Variants in RIN2 observed in about 807,000 individuals in gnomAD.
RIN2 encodes RAB5 interacting protein 2.
Under a neutral mutation model 78.0 loss-of-function variants are expected in RIN2, and 36 were observed. The observed-to-expected ratio is 0.46, with a 90% confidence interval of 0.35 to 0.61. The LOEUF (loss-of-function observed/expected upper bound fraction) is 0.61. RIN2 is among the 20% of genes least tolerant of loss of function. RIN2 has a pLI of 0.00. For missense variants in RIN2, 1,087 were observed against 1,159.7 expected (o/e 0.94, Z 0.91); for synonymous variants, 466 against 466.8 (o/e 1.00, Z 0.02).
chr20:19,758,549 G>A (rs1472059181), intron 1 of RIN2, among the ~76,000 whole-genome samples: 2 of 152,196 alleles, frequency 1.3e-5, no homozygotes, highest in Non-Finnish European at 2.9e-5. Flanking sequence ...GGGGACAAGG[G>A]GCAGAGTGAC....
intron 3 of RIN2, among the ~76,000 whole-genome samples, chr20:19,927,766 T>C (rs1407172384): frequency 4.6e-5 from 7 of 151,010 alleles, no homozygotes; most frequent in Non-Finnish European, 7.4e-5. Context: ...CTTAGGCTGG[T>C]CTCAAACTCC....
intron 2 of RIN2, among the ~76,000 whole-genome samples, chr20:19,842,198 TTG>T (rs1848895078): frequency 1.8e-5 from 2 of 112,582 alleles, no homozygotes; most frequent in African/African-American, 3.4e-5. Context: ...ATCTGCTTTT[TTG>T]TTTCTTTGTT....
chr20:19,964,880 G>A, intron 6 of RIN2, 72 bp from the exon 7 acceptor site: 1 of 1,242,672 alleles, frequency 8.0e-7, no homozygotes, highest in Non-Finnish European at 1.2e-6. Flanking sequence ...CCACACACAT[G>A]GTGTTAGGGG....
intron 3 of RIN2, among the ~76,000 whole-genome samples, chr20:19,894,366 C>A (rs1485633338): frequency 2.6e-5 from 4 of 152,044 alleles, no homozygotes; most frequent in Non-Finnish European, 5.9e-5. Context: ...TCCAGGCTCC[C>A]AATGCTGGCA....
chr20:19,850,487 T>C (rs1228837096), intron 2 of RIN2, among the ~76,000 whole-genome samples: 1 of 152,218 alleles, frequency 6.6e-6, no homozygotes, highest in African/African-American at 2.4e-5. Context: ...TGGCCACTAT[T>C]GTCTTCTTAC....
In RIN2 at chr20:19,935,165, CT is replaced by C; in HGVS notation, c.125del (p.Leu42ArgfsTer14). 1 of 1,603,898 alleles carries C rather than the reference CT, an allele frequency of 6.2e-7. No individual in the cohort carries two copies. Among genetic ancestry groups the C allele is most frequent in the Non-Finnish European group, 8.5e-7 (1 of 1,175,156 alleles). On this transcript the variant is annotated frameshift_variant, in exon 4 of 13. Transcript: ENST00000255006. LOFTEE classifies it high-confidence loss of function. ...KQEMVRTDVN[L>X]ENGLEPAETH... The stretch of plus-strand genomic sequence containing the variant: ...GGAGATGGTGCGGACAGATGTCAAC[CT>C]GGAAAATGGCCTGGAACCCGCTGAA...
intron 2 of RIN2, among the ~76,000 whole-genome samples, chr20:19,877,735 G>A (rs1254383260): frequency 1.3e-5 from 2 of 152,106 alleles, no homozygotes; most frequent in African/African-American, 4.8e-5. Context: ...AAGCAGTGGT[G>A]GGGCTGGGCA....
intron 3 of RIN2, among the ~76,000 whole-genome samples, chr20:19,931,218 CT>C (rs1448760617): frequency 2.6e-5 from 4 of 152,150 alleles, no homozygotes; most frequent in Non-Finnish European, 5.9e-5. Flanking sequence ...TTAGGATAGC[CT>C]TTGTGTCTAT....
In RIN2 at chr20:19,815,479, G is replaced by C. The variant is rs553611981; in HGVS notation, c.-37+15732G>C. On this transcript the variant is annotated intron_variant, in intron 2 of 12. Transcript: ENST00000255006. ...ATTTCTTTTTATGGAACTACATTGT[G>C]CATTATATGAGTTCAATCTTGCCAT... Among the ~76,000 whole-genome samples the C allele has an allele frequency of 7.2e-5, 11 of 152,298 alleles. No individual in the cohort carries two copies. The East Asian group carries it at 1.9e-3, about 27-fold the overall frequency.
intron 1 of RIN2, among the ~76,000 whole-genome samples, chr20:19,763,868 A>C (rs59389564): frequency 0.043 from 6,492 of 152,278 alleles, 495 homozygotes; most frequent in African/African-American, 0.15. Context: ...GCTGGACTTT[A>C]TAGTATCCAA....
At chr20:19,971,420 G>A (rs551574317) in intron 8 of RIN2, among the ~76,000 whole-genome samples, 47 of 152,036 alleles carry the variant, frequency 3.1e-4, no homozygotes, top group Admixed American at 1.0e-3. Flanking sequence ...CAATTCTGCC[G>A]GACAATGGTT....
At chr20:19,759,333 A>G (rs1157447990) in intron 1 of RIN2, among the ~76,000 whole-genome samples, 1 of 152,134 alleles carries the variant, frequency 6.6e-6, no homozygotes, top group Non-Finnish European at 1.5e-5. Context: ...ACACGCTGTC[A>G]TCGGTAAGGA....
chr20:19,826,718 C>G (rs2036098897), intron 2 of RIN2, among the ~76,000 whole-genome samples: 1 of 152,148 alleles, frequency 6.6e-6, no homozygotes, highest in African/African-American at 2.4e-5. Flanking sequence ...AGCAAACATC[C>G]TGCGCAGGAC....
intron 1 of RIN2, among the ~76,000 whole-genome samples, chr20:19,799,056 T>C (rs1215234124): frequency 6.6e-6 from 1 of 152,124 alleles, no homozygotes; most frequent in Non-Finnish European, 1.5e-5. Flanking sequence ...TGTGTCGCTA[T>C]GCCTGGCTAA....
At chr20:19,878,715 A>G (rs997534783) in intron 2 of RIN2, among the ~76,000 whole-genome samples, 2 of 152,170 alleles carry the variant, frequency 1.3e-5, no homozygotes, top group African/African-American at 4.8e-5. Context: ...AAACCCAGAC[A>G]CAGGCAATGA....
chr20:19,851,855 C>G (rs528577331), intron 2 of RIN2, among the ~76,000 whole-genome samples: 63 of 152,290 alleles, frequency 4.1e-4, no homozygotes, highest in African/African-American at 1.2e-3. Flanking sequence ...AAGGCACCCC[C>G]AAACTCAGAG....
chr20:19,916,780 T>G (rs1400332899), intron 3 of RIN2, among the ~76,000 whole-genome samples: 1 of 152,232 alleles, frequency 6.6e-6, no homozygotes, highest in African/African-American at 2.4e-5. Context: ...TTTTATCGAA[T>G]GTTTAATGTG....
chr20:19,887,196 T>C (rs1005246128), intron 2 of RIN2, among the ~76,000 whole-genome samples: 1 of 136,246 alleles, frequency 7.3e-6, no homozygotes, highest in African/African-American at 2.8e-5. Flanking sequence ...TTTTTTTTTT[T>C]AATTTTTTTT....
rs556075719 is a variant in RIN2, at chr20:19,868,559, G to A, written c.-36-21007G>A. 4.6e-5 allele frequency among the ~76,000 whole-genome samples: 7 copies of A among 152,252 alleles called. No homozygotes were observed. The East Asian group carries it at 1.4e-3, about 29-fold the overall frequency. ...CAGGGCAGGTCTTAGGGTTTCATCC[G>A]GGTTTTATGATATGCTGGGCAGACC... On this transcript the variant is annotated intron_variant, in intron 2 of 12. Coordinates refer to ENST00000255006, the MANE Select transcript of RIN2 (RefSeq NM_018993.4).
Sources: allele counts gnomAD v4.1 joint callset (sites outside exome capture counted in the v4.1 genomes callset), GRCh38; gene constraint gnomAD v4.1.1; transcripts MANE v1.5; gene names NCBI Gene and HGNC (gene_info 2026-07-23, HGNC 2026-07-21).